Variants in PCDH9 observed in about 807,000 individuals in gnomAD.
The protein encoded by PCDH9 is protocadherin 9.
PCDH9 carries 24 observed loss-of-function variants against 70.6 expected under a neutral mutation model. That is an observed-to-expected ratio of 0.34 (90% confidence interval 0.25 to 0.48). The LOEUF is 0.48. Ranked by LOEUF, PCDH9 falls within the 20% of genes least tolerant of loss-of-function variation. The pLI is 0.99. For synonymous variants in PCDH9, 562 were observed against 558.5 expected (o/e 1.01, Z -0.09); for missense variants, 1,281 against 1,503.6 (o/e 0.85, Z 2.45).
At chr13:66,484,342 C>T (rs906285497) in intron 4 of PCDH9, among the ~76,000 whole-genome samples, 3 of 152,080 alleles carry the variant, frequency 2.0e-5, no homozygotes, top group African/African-American at 7.2e-5. Flanking sequence ...GCCGTAGGGT[C>T]GTAGCCCCAC....
At chr13:66,477,882 T>C (rs1269438156) in intron 4 of PCDH9, among the ~76,000 whole-genome samples, 1 of 152,178 alleles carries the variant, frequency 6.6e-6, no homozygotes, top group Non-Finnish European at 1.5e-5. Context: ...CAGGATGATC[T>C]CAGATGATCG....
chr13:66,974,586 G>A (rs2083582494), intron 2 of PCDH9, among the ~76,000 whole-genome samples: 1 of 151,966 alleles, frequency 6.6e-6, no homozygotes, highest in Admixed American at 6.6e-5. Context: ...CTACAGTTAT[G>A]TATTAGTAAT....
At chr13:66,571,401 T>G (rs539497913) in intron 4 of PCDH9, among the ~76,000 whole-genome samples, 100 of 152,128 alleles carry the variant, frequency 6.6e-4, no homozygotes, top group African/African-American at 2.1e-3. Context: ...ACTCACCTAA[T>G]TGTACATGGA....
intron 2 of PCDH9, among the ~76,000 whole-genome samples, chr13:67,134,223 T>C (rs2087176743): frequency 6.6e-6 from 1 of 152,136 alleles, no homozygotes; most frequent in African/African-American, 2.4e-5. Flanking sequence ...TCTTTTCTCA[T>C]GTTCAATATA....
At chr13:67,066,512 G>A (rs2085651239) in intron 2 of PCDH9, among the ~76,000 whole-genome samples, 1 of 152,180 alleles carries the variant, frequency 6.6e-6, no homozygotes, top group Non-Finnish European at 1.5e-5. Context: ...GGGATTATAG[G>A]AGTGAGCCAC....
intron 3 of PCDH9, among the ~76,000 whole-genome samples, chr13:66,761,022 T>G (rs1448671066): frequency 6.6e-6 from 1 of 152,160 alleles, no homozygotes; most frequent in Non-Finnish European, 1.5e-5. Context: ...CAGCAGGACA[T>G]GGACCTTCAT....
chr13:66,363,279 T>C (rs1482959520), intron 4 of PCDH9, among the ~76,000 whole-genome samples: 1 of 152,210 alleles, frequency 6.6e-6, no homozygotes, highest in Non-Finnish European at 1.5e-5. Context: ...TTTATCATCA[T>C]TTTAACAGAT....
intron 3 of PCDH9, among the ~76,000 whole-genome samples, chr13:66,775,833 C>T (rs188697161): frequency 6.6e-6 from 1 of 152,232 alleles, no homozygotes. Context: ...GTTGACACCC[C>T]TAACTCCAAT....
At chr13:67,209,053 G>A (rs928110595) in intron 2 of PCDH9, 16 of 152,028 alleles carry the variant, frequency 1.1e-4, no homozygotes. Flanking sequence ...TTCTATTAGG[G>A]AAACACTCAT....
At chr13:66,590,734 A>T (rs527369672) in intron 4 of PCDH9, among the ~76,000 whole-genome samples, 3 of 151,990 alleles carry the variant, frequency 2.0e-5, no homozygotes, top group Admixed American at 2.0e-4. Flanking sequence ...TCTAGCTCAC[A>T]CTCAGAAATC....
chr13:66,848,430 A>T (rs1160293391), intron 3 of PCDH9, among the ~76,000 whole-genome samples: 2 of 152,216 alleles, frequency 1.3e-5, no homozygotes, highest in Non-Finnish European at 2.9e-5. Flanking sequence ...AACTTAATCA[A>T]TCAAACATTT....
At chr13:66,574,964 G>C (rs939426502) in intron 4 of PCDH9, among the ~76,000 whole-genome samples, 15 of 152,106 alleles carry the variant, frequency 9.9e-5, no homozygotes, top group Non-Finnish European at 2.2e-4. Flanking sequence ...CTTGAGGTCA[G>C]GAGTTCGAGA....
rs921986559 is a variant in PCDH9 at position 66,431,819 on chromosome 13, G to A, written c.3341-126791C>T. Reference sequence around the variant, plus strand: ...AGAACACAGATGATTACATTTTAATGACGTCCAAGATTCATTAGGGTTTTT... The same window carrying A: ...AGAACACAGATGATTACATTTTAATAACGTCCAAGATTCATTAGGGTTTTT... On this transcript the variant is annotated intron_variant, in intron 4 of 4. Transcript: ENST00000377865. 5.9e-5 allele frequency among the ~76,000 whole-genome samples: 9 copies of A among 152,078 alleles called. No homozygotes were observed. The East Asian group carries it at 9.7e-4, about 16-fold the overall frequency.
chr13:67,150,604 G>A (rs1194384522), intron 2 of PCDH9, among the ~76,000 whole-genome samples: 1 of 152,148 alleles, frequency 6.6e-6, no homozygotes, highest in African/African-American at 2.4e-5. Flanking sequence ...TAAGTCATGT[G>A]ATTCTTAAAC....
In PCDH9 at chr13:66,759,112, A is replaced by G. The variant is rs139483201; in HGVS notation, c.3139-127701T>C. Among the ~76,000 whole-genome samples, 50 of 151,970 alleles carry G rather than the reference A, an allele frequency of 3.3e-4. No individual in the cohort carries two copies. In the East Asian group the frequency reaches 8.9e-3, roughly 27 times the overall value. On this transcript the variant is annotated intron_variant, in intron 3 of 4. Transcript: ENST00000377865. Reference sequence around the variant, plus strand: ...TTTTCTATTTTTTAATCTCTATTTTATCTTTTTCTCTGATCTTTACTGCTA... The same window carrying G: ...TTTTCTATTTTTTAATCTCTATTTTGTCTTTTTCTCTGATCTTTACTGCTA...
chr13:67,149,863 G>T (rs188710971), intron 2 of PCDH9, among the ~76,000 whole-genome samples: 1 of 151,894 alleles, frequency 6.6e-6, no homozygotes, highest in African/African-American at 2.4e-5. Context: ...CACCCCATAT[G>T]GTATTTTTAA....
chr13:66,311,007 C>A (rs1302935425), intron 4 of PCDH9, among the ~76,000 whole-genome samples: 1 of 152,072 alleles, frequency 6.6e-6, no homozygotes, highest in African/African-American at 2.4e-5. Context: ...GACTTGTGCA[C>A]TCCCAAACAC....
chr13:66,404,444 C>T (rs1405615833), intron 4 of PCDH9, among the ~76,000 whole-genome samples: 1 of 152,032 alleles, frequency 6.6e-6, no homozygotes, highest in East Asian at 1.9e-4. Context: ...GAAATGTAAT[C>T]ATACAATTAA....
At chr13:66,403,994 T>G (rs1446771499) in intron 4 of PCDH9, among the ~76,000 whole-genome samples, 1 of 152,166 alleles carries the variant, frequency 6.6e-6, no homozygotes, top group African/African-American at 2.4e-5. Context: ...AGATAAAGGC[T>G]GAGATTCTAC....
Sources: gnomAD v4.1 joint callset for allele counts (sites outside exome capture counted in the v4.1 genomes callset) on GRCh38, gnomAD v4.1.1 for gene constraint, MANE v1.5 for transcripts, NCBI Gene and HGNC (gene_info 2026-07-23, HGNC 2026-07-21) for gene names.